Variants in ACTR3C observed in about 807,000 individuals in gnomAD.
The protein encoded by ACTR3C is actin related protein 3C.
Under a neutral mutation model 26.3 loss-of-function variants are expected in ACTR3C, and 18 were observed. That is an observed-to-expected ratio of 0.68 (90% CI 0.47 to 1.01). The LOEUF is 1.01. ACTR3C is among the 50% of genes least tolerant of loss of function. The pLI is 0.00. For synonymous variants in ACTR3C, 55 were observed against 94.5 expected (o/e 0.58, Z 2.42); for missense variants, 184 against 250.7 (o/e 0.73, Z 1.80).
the ACTR3C span, among the ~76,000 whole-genome samples, chr7:150,219,251 T>C: frequency 7.0e-6 from 1 of 141,928 alleles, no homozygotes; most frequent in South Asian, 2.1e-4. Flanking sequence ...ATTTTTCCAA[T>C]AAGAGCTAAT....
the ACTR3C span, among the ~76,000 whole-genome samples, chr7:150,038,721 C>T: frequency 7.2e-6 from 1 of 138,592 alleles, no homozygotes; most frequent in Non-Finnish European, 1.6e-5. Flanking sequence ...CAGGTGGGTC[C>T]TAAGGATCTT....
chr7:150,037,784 TGGGGGTCCCCAGAGCCAGCGGGGGAA>T, the ACTR3C span, among the ~76,000 whole-genome samples: 15 of 36,362 alleles, frequency 4.1e-4, no homozygotes, highest in East Asian at 0.012. Context: ...CCTCCTGCGA[TGGGGGTCCCCAGAGCCAGCGGGGGAA>T]GAGGGACTGG....
chr7:150,134,518 C>A, the ACTR3C span, among the ~76,000 whole-genome samples: 1 of 152,214 alleles, frequency 6.6e-6, no homozygotes, highest in Admixed American at 6.5e-5. Context: ...CAAACATGAA[C>A]ACGTGCCCAA....
intron 1 of ACTR3C, among the ~76,000 whole-genome samples, chr7:150,314,993 TTA>T (rs1796709125): frequency 6.8e-6 from 1 of 147,114 alleles, no homozygotes; most frequent in Admixed American, 6.8e-5. Context: ...TTTAATAATA[TTA>T]TTAAATATTA....
At chr7:150,082,480 G>A in the ACTR3C span, among the ~76,000 whole-genome samples, 1,656 of 152,276 alleles carry the variant, frequency 0.011, 8 homozygotes, top group African/African-American at 0.019. Context: ...CCTCTAAGGG[G>A]ACAGCGTATT....
the ACTR3C span, among the ~76,000 whole-genome samples, chr7:150,179,418 G>A: frequency 1.4e-4 from 17 of 118,090 alleles, no homozygotes; most frequent in East Asian, 2.5e-4. Flanking sequence ...GACACAACAG[G>A]AAAAAAAAAA....
the ACTR3C span, among the ~76,000 whole-genome samples, chr7:150,156,660 A>T: frequency 4.6e-5 from 7 of 152,142 alleles, no homozygotes; most frequent in Non-Finnish European, 8.8e-5. Context: ...TGAGAAAAAG[A>T]TCATTCAATT....
At chr7:149,945,840 C>T in the ACTR3C span, among the ~76,000 whole-genome samples, 2,835 of 152,250 alleles carry the variant, frequency 0.019, 93 homozygotes, top group African/African-American at 0.065. Context: ...GTAGTCAGTC[C>T]GCTGTAGGAA....
At chr7:149,941,949 T>G in the ACTR3C span, among the ~76,000 whole-genome samples, 5 of 152,126 alleles carry the variant, frequency 3.3e-5, no homozygotes, top group African/African-American at 1.2e-4. Flanking sequence ...CCTGAGCATT[T>G]TGGTTCAGCT....
At chr7:150,254,881 C>T (rs539102777) in intron 6 of ACTR3C, among the ~76,000 whole-genome samples, 20 of 152,328 alleles carry the variant, frequency 1.3e-4, no homozygotes, top group African/African-American at 4.6e-4. Flanking sequence ...TTCCAGAGGA[C>T]ATAGGCTTAC....
the ACTR3C span, among the ~76,000 whole-genome samples, chr7:150,150,992 G>T: frequency 7.4e-6 from 1 of 134,586 alleles, no homozygotes; most frequent in African/African-American, 2.6e-5. Context: ...TATTTTACCA[G>T]ATTTTGTTTT....
the ACTR3C span, among the ~76,000 whole-genome samples, chr7:150,227,750 G>C: frequency 4.5e-5 from 4 of 88,456 alleles, no homozygotes; most frequent in African/African-American, 1.8e-4. Flanking sequence ...CCCCATTTTT[G>C]AAAAGACTTT....
At chr7:149,883,099 AG>A in the ACTR3C span, among the ~76,000 whole-genome samples, 1 of 152,248 alleles carries the variant, frequency 6.6e-6, no homozygotes, top group Non-Finnish European at 1.5e-5. Flanking sequence ...TAAGAAAGTG[AG>A]GGGGTGGTCA....
the ACTR3C span, among the ~76,000 whole-genome samples, chr7:150,170,156 A>G: frequency 6.7e-6 from 1 of 149,854 alleles, no homozygotes; most frequent in Admixed American, 6.6e-5. Context: ...CATGTGACTG[A>G]CGGCAGATCC....
At chr7:150,030,911 G>C in the ACTR3C span, among the ~76,000 whole-genome samples, 6 of 152,222 alleles carry the variant, frequency 3.9e-5, no homozygotes, top group South Asian at 1.2e-3. Context: ...CAACAGCAGA[G>C]GGCTCTGTTC....
At chr7:150,180,543 C>G in the ACTR3C span, among the ~76,000 whole-genome samples, 1 of 135,574 alleles carries the variant, frequency 7.4e-6, no homozygotes, top group Non-Finnish European at 1.6e-5. Context: ...GAGGGAGTCT[C>G]GCTCTGTCGC....
At chr7:150,141,713 A>T in the ACTR3C span, among the ~76,000 whole-genome samples, 1 of 152,060 alleles carries the variant, frequency 6.6e-6, no homozygotes, top group Non-Finnish European at 1.5e-5. Context: ...AGGTGAAGTG[A>T]TGTATCCCCT....
At chr7:150,047,145 G>A in the ACTR3C span, among the ~76,000 whole-genome samples, 1 of 151,810 alleles carries the variant, frequency 6.6e-6, no homozygotes, top group South Asian at 2.1e-4. Context: ...GTGAGTAGGA[G>A]AGGAGGGGCA....
chr7:150,155,740 T>C, the ACTR3C span, among the ~76,000 whole-genome samples: 74,601 of 119,376 alleles, frequency 0.62, 24,058 homozygotes, highest in East Asian at 0.96. Context: ...CAAGCAAACC[T>C]CAAAAAGGAG....
Sources: gnomAD v4.1 joint callset for allele counts (sites outside exome capture counted in the v4.1 genomes callset) on GRCh38, gnomAD v4.1.1 for gene constraint, MANE v1.5 for transcripts, NCBI Gene and HGNC (gene_info 2026-07-23, HGNC 2026-07-21) for gene names.